Variants in CLCN5 observed in about 807,000 individuals in gnomAD.
CLCN5 encodes the protein Cl-/H+ antiporter 5, also known as H(+)/Cl(-) exchange transporter 5.
In CLCN5, 17 loss-of-function variants were observed where a neutral mutation model predicts 54.0. The observed-to-expected ratio is 0.31, with a 90% confidence interval of 0.22 to 0.47. The LOEUF (loss-of-function observed/expected upper bound fraction) is 0.47. CLCN5 is among the 20% of genes least tolerant of loss of function. The probability of loss-of-function intolerance (pLI) is 1.00; values close to 1 mark genes in which losing one functional copy is unlikely to be tolerated. For missense variants in CLCN5, 448 were observed against 646.7 expected (o/e 0.69, Z 3.33); for synonymous variants, 222 against 233.0 (o/e 0.95, Z 0.43).
intron 4 of CLCN5, among the ~76,000 whole-genome samples, chrX:50,068,856 T>C (rs889126196): frequency 6.2e-5 from 7 of 112,043 alleles, no homozygotes; most frequent in African/African-American, 2.3e-4. Context: ...TTTTCCCCAG[T>C]GTGCATTTGC....
rs139350214 is a variant in CLCN5 at position 50,051,506 on chromosome X, T to C, written c.163+9044T>C. On this transcript the variant is annotated intron_variant, in intron 4 of 14. Coordinates refer to ENST00000376091, the MANE Select transcript of CLCN5 (RefSeq NM_001127898.4). ...ATTGTGTTGGATACTCTAGATGTTT[T>C]GCTTTTCCACAGAAGCTTTAGAATC... is the stretch of plus-strand genomic sequence containing the variant. Among the ~76,000 whole-genome samples the C allele has an allele frequency of 8.0e-4, 90 of 112,315 alleles. 2 individuals carry two copies. In the East Asian group the frequency reaches 0.021, roughly 26 times the overall value.
intron 3 of CLCN5, among the ~76,000 whole-genome samples, chrX:49,926,012 T>C (rs1238094411): frequency 9.0e-6 from 1 of 111,727 alleles, no homozygotes; most frequent in Non-Finnish European, 1.9e-5. Flanking sequence ...CAAAAGTGAG[T>C]GTGGGTTTAA....
At chrX:50,033,745 A>G (rs1329977440) in intron 3 of CLCN5, among the ~76,000 whole-genome samples, 1 of 112,070 alleles carries the variant, frequency 8.9e-6, no homozygotes, top group East Asian at 2.8e-4. Context: ...AGCTGGAGGC[A>G]TCACGCTACC....
chrX:50,029,847 A>G (rs950465920), intron 3 of CLCN5, among the ~76,000 whole-genome samples: 13 of 112,105 alleles, frequency 1.2e-4, no homozygotes, highest in Non-Finnish European at 2.4e-4. Flanking sequence ...GGGATCTAGA[A>G]ATAGAAATAC....
At chrX:50,078,812 A>G (rs1263762695) in intron 7 of CLCN5, among the ~76,000 whole-genome samples, 1 of 111,292 alleles carries the variant, frequency 9.0e-6, no homozygotes, top group Admixed American at 9.5e-5. Context: ...AGAGTCCTCT[A>G]GGTTTTGGTT....
intron 3 of CLCN5, among the ~76,000 whole-genome samples, chrX:49,937,868 C>T (rs1302790981): frequency 1.8e-5 from 2 of 111,608 alleles, no homozygotes; most frequent in Non-Finnish European, 3.8e-5. Context: ...TAATCTTATG[C>T]TTGAAGTAGA....
intron 3 of CLCN5, chrX:50,008,610 A>T (rs959847104): frequency 1.7e-5 from 5 of 287,941 alleles, no homozygotes; most frequent in African/African-American, 1.3e-4. Flanking sequence ...TACTAAGTTG[A>T]GTAATGAGCA....
chrX:50,084,557 A>AT (rs1345725947), intron 9 of CLCN5, among the ~76,000 whole-genome samples: 2 of 110,205 alleles, frequency 1.8e-5, no homozygotes, highest in East Asian at 5.8e-4. Context: ...GATTTTGTGA[A>AT]TTTTTTTGTA....
At chrX:49,992,208 CTT>C (rs200172433) in intron 3 of CLCN5, among the ~76,000 whole-genome samples, 40 of 84,084 alleles carry the variant, frequency 4.8e-4, no homozygotes, top group Non-Finnish European at 4.8e-4. Flanking sequence ...CTCTTTTTTT[CTT>C]TTTTTTTTTT....
intron 4 of CLCN5, among the ~76,000 whole-genome samples, chrX:50,066,507 A>G (rs1316617661): frequency 8.9e-6 from 1 of 112,327 alleles, no homozygotes; most frequent in Non-Finnish European, 1.9e-5. Flanking sequence ...CAGTTATTAC[A>G]GCACACTGTG....
In CLCN5 at chrX:50,086,498, G is replaced by A. The variant is rs1226957608; in HGVS notation, c.1185G>A (p.Leu395=). 24 of 1,208,550 alleles carry A rather than the reference G, an allele frequency of 2.0e-5. No homozygotes were observed. The highest frequency in any genetic ancestry group is 2.3e-5 in the Non-Finnish European group (21 of 895,064). The part of the protein sequence containing the change: ...HLFELVPFIL[L]GIFGGLWGAL... Reference sequence around the variant, plus strand: ...TTGAGCTCGTGCCATTCATTCTGCTGGGCATATTTGGTGGTCTGTGGGGAG... The same window carrying A: ...TTGAGCTCGTGCCATTCATTCTGCTAGGCATATTTGGTGGTCTGTGGGGAG... The change falls in exon 11 of 15, where the codon CTG becomes CTA. Residue 395 remains leucine (L), a synonymous_variant. Transcript: ENST00000376091.
intron 3 of CLCN5, among the ~76,000 whole-genome samples, chrX:50,002,677 CTCTCTGTGTG>C (rs1357479199): frequency 8.9e-5 from 9 of 101,066 alleles, no homozygotes; most frequent in Non-Finnish European, 1.4e-4. Context: ...CTCTCTCTCT[CTCTCTGTGTG>C]TGTGTGTGTG....
chrX:49,965,853 CTCTA>C (rs782325055), intron 3 of CLCN5, among the ~76,000 whole-genome samples: 4 of 107,900 alleles, frequency 3.7e-5, no homozygotes, highest in Non-Finnish European at 7.5e-5. Context: ...AATGGTTTTT[CTCTA>C]TCTATTGTGG....
At chrX:50,048,311 C>T (rs191303394) in intron 4 of CLCN5, among the ~76,000 whole-genome samples, 1 of 112,772 alleles carries the variant, frequency 8.9e-6, no homozygotes, top group East Asian at 2.8e-4. Flanking sequence ...CCTCCTGCTA[C>T]GCGGACTGGT....
intron 3 of CLCN5, chrX:49,945,190 A>G (rs1285057764): frequency 8.9e-6 from 1 of 111,947 alleles, no homozygotes; most frequent in Non-Finnish European, 1.9e-5. Context: ...TAACCAGTTC[A>G]TGTGGCACAA....
At chrX:49,956,878 T>G in intron 3 of CLCN5, among the ~76,000 whole-genome samples, 1 of 112,239 alleles carries the variant, frequency 8.9e-6, no homozygotes, top group South Asian at 3.7e-4. Flanking sequence ...ATTTGGGATA[T>G]ACTCAGGTTC....
chrX:50,083,779 A>G (rs1933790755), intron 9 of CLCN5, among the ~76,000 whole-genome samples: 2 of 112,186 alleles, frequency 1.8e-5, no homozygotes, highest in South Asian at 7.5e-4. Flanking sequence ...TCTTTGTGCT[A>G]TTCTTTCACC....
At chrX:50,032,632 A>G (rs2050052242) in intron 3 of CLCN5, among the ~76,000 whole-genome samples, 1 of 107,924 alleles carries the variant, frequency 9.3e-6, no homozygotes, top group Non-Finnish European at 1.9e-5. Context: ...CCTTTGTCAG[A>G]TGAGTAGGTT....
chrX:49,967,457 T>A (rs1447509509), intron 3 of CLCN5, among the ~76,000 whole-genome samples: 2 of 90,366 alleles, frequency 2.2e-5, no homozygotes, highest in Non-Finnish European at 2.0e-5. Flanking sequence ...CACTTTTTGA[T>A]GGGGTTGTTT....
Sources: gnomAD v4.1 joint callset for allele counts (sites outside exome capture counted in the v4.1 genomes callset) on GRCh38, gnomAD v4.1.1 for gene constraint, MANE v1.5 for transcripts, NCBI Gene and HGNC (gene_info 2026-07-23, HGNC 2026-07-21) for gene names.